Variants in FABP6 observed in about 807,000 individuals in gnomAD.
FABP6 encodes the protein fatty acid binding protein 6.
A neutral mutation model predicts 14.9 loss-of-function variants in FABP6; 13 were observed. The ratio of observed to expected loss-of-function variants is 0.87; its 90% CI spans 0.57 to 1.39. The LOEUF (loss-of-function observed/expected upper bound fraction) is 1.39. FABP6 is among the 40% of genes most tolerant of loss of function. FABP6 has a pLI of 0.00. For synonymous variants in FABP6, 75 were observed against 63.6 expected (o/e 1.18, Z -0.85); for missense variants, 161 against 167.2 (o/e 0.96, Z 0.20).
chr5:160,199,148 G>A (rs773418482), exon 2 of FABP6: 5 of 1,614,126 alleles, frequency 3.1e-6, no homozygotes, highest in Non-Finnish European at 4.2e-6. Context: ...AGATGCAGGC[G>A]CTGACTCAGG....
At chr5:160,202,930 T>TC (rs1284492244) in intron 2 of FABP6, among the ~76,000 whole-genome samples, 1 of 151,750 alleles carries the variant, frequency 6.6e-6, no homozygotes, top group African/African-American at 2.4e-5. Context: ...AGATGGAGTT[T>TC]CACTCTTGTT....
chr5:160,208,247 A>G (rs1207523437), intron 2 of FABP6, among the ~76,000 whole-genome samples: 1 of 152,068 alleles, frequency 6.6e-6, no homozygotes, highest in African/African-American at 2.4e-5. Flanking sequence ...GTTTAAGGCC[A>G]TCATGGGCAA....
intron 3 of FABP6, among the ~76,000 whole-genome samples, chr5:160,214,089 C>CTCTTTCTTTCTTTCTTTCTTTCTT: frequency 8.6e-6 from 1 of 116,384 alleles, no homozygotes; most frequent in South Asian, 3.1e-4. Context: ...GCCTGCCTTT[C>CTCTTTCTTTCTTTCTTTCTTTCTT]TCTTTCTTTC....
At chr5:160,209,319 C>A (rs1176462753) in intron 2 of FABP6, among the ~76,000 whole-genome samples, 9 of 151,882 alleles carry the variant, frequency 5.9e-5, no homozygotes, top group Non-Finnish European at 1.3e-4. Flanking sequence ...GAGTTTGAGA[C>A]CAGCCTGGGC....
intron 2 of FABP6, among the ~76,000 whole-genome samples, chr5:160,233,272 G>A (rs1760432335): frequency 6.6e-6 from 1 of 151,956 alleles, no homozygotes; most frequent in Non-Finnish European, 1.5e-5. Context: ...GAGCCACCGT[G>A]CCCAGCCATA....
intron 3 of FABP6, among the ~76,000 whole-genome samples, chr5:160,220,469 C>T (rs772993821): frequency 2.0e-5 from 3 of 151,918 alleles, no homozygotes; most frequent in Non-Finnish European, 4.4e-5. Context: ...ATTAGCCGTG[C>T]GTGGTGGAGC....
intron 2 of FABP6, among the ~76,000 whole-genome samples, chr5:160,212,780 A>G (rs1759920077): frequency 6.6e-6 from 1 of 152,058 alleles, no homozygotes; most frequent in Non-Finnish European, 1.5e-5. Context: ...CAACTGGCTA[A>G]TTTTAAAAAT....
intron 2 of FABP6, among the ~76,000 whole-genome samples, chr5:160,206,765 ATAGT>A (rs555211845): frequency 1.6e-3 from 249 of 152,276 alleles, no homozygotes; most frequent in African/African-American, 5.3e-3. Context: ...AGTTCAGGAA[ATAGT>A]TAGGAGAGGG....
Position 160,229,584 on chromosome 5 carries a change from G to A in FABP6, c.27G>A (p.Met9Ile), listed in dbSNP as rs1760323920. 1.2e-6 allele frequency: 2 copies of A among 1,613,918 alleles called. No homozygotes were observed. The highest frequency in any genetic ancestry group is 1.3e-5 in the African/African-American group (1 of 74,914). ...TGGCTTTCACCGGCAAGTTCGAGAT[G>A]GAGAGTGAGAAGAATTATGATGAGT... MAFTGKFE[M>I]ESEKNYDEFM... The change falls in exon 1 of 4, where the codon ATG becomes ATA. Residue 9 changes from methionine (M) to isoleucine (I), a missense_variant. Coordinates refer to ENST00000402432, the MANE Select transcript of FABP6 (RefSeq NM_001445.3).
At chr5:160,205,449 A>G (rs769090179) in intron 2 of FABP6, among the ~76,000 whole-genome samples, 13 of 152,080 alleles carry the variant, frequency 8.5e-5, no homozygotes, top group Non-Finnish European at 1.0e-4. Context: ...CCTTTATCAC[A>G]GGTGCTGCTG....
chr5:160,201,359 A>G (rs185498341), intron 2 of FABP6, among the ~76,000 whole-genome samples: 2 of 151,976 alleles, frequency 1.3e-5, no homozygotes, highest in East Asian at 3.9e-4. Context: ...CCCTGTCTCA[A>G]ATAAAACAAA....
At chr5:160,198,957 A>G (rs2113070607) in intron 1 of FABP6, 1 of 752,934 alleles carries the variant, frequency 1.3e-6, no homozygotes, top group Non-Finnish European at 2.2e-6. Context: ...CACAGTGAGC[A>G]GTCAATAAAA....
intron 1 of FABP6, among the ~76,000 whole-genome samples, chr5:160,192,642 G>A (rs904376688): frequency 6.6e-6 from 1 of 152,254 alleles, no homozygotes; most frequent in Non-Finnish European, 1.5e-5. Flanking sequence ...CTAGACAGCA[G>A]GGCAGCCACA....
intron 3 of FABP6, among the ~76,000 whole-genome samples, chr5:160,217,818 T>G (rs1760043362): frequency 6.6e-6 from 1 of 152,042 alleles, no homozygotes; most frequent in African/African-American, 2.4e-5. Flanking sequence ...CTTTATTTTA[T>G]TTTTTGTAGA....
intron 2 of FABP6, among the ~76,000 whole-genome samples, chr5:160,209,068 A>T (rs1427307902): frequency 6.7e-6 from 1 of 149,656 alleles, no homozygotes; most frequent in Non-Finnish European, 1.5e-5. Flanking sequence ...GAGCCACTGC[A>T]CCCAGCAGGG....
At chr5:160,193,771 C>T (rs1039129618) in intron 1 of FABP6, among the ~76,000 whole-genome samples, 1 of 152,236 alleles carries the variant, frequency 6.6e-6, no homozygotes, top group Non-Finnish European at 1.5e-5. Context: ...TTTTTACAAT[C>T]CCTGAGCTAG....
At chr5:160,229,173 C>T (rs1760312916), upstream of FABP6, among the ~76,000 whole-genome samples, 1 of 152,134 alleles carries the variant, frequency 6.6e-6, no homozygotes, top group Non-Finnish European at 1.5e-5. Context: ...GCAGCAAGTG[C>T]TCAAGTGCTT....
chr5:160,204,138 CAAAAAAA>C (rs67908380), intron 2 of FABP6, among the ~76,000 whole-genome samples: 554 of 119,258 alleles, frequency 4.6e-3, no homozygotes, highest in Non-Finnish European at 6.6e-3. Context: ...GACTCCATCT[CAAAAAAA>C]AAAAAAAAAA....
In FABP6 at chr5:160,197,954, ATGTG is replaced by A. The variant is rs1554111886; in HGVS notation, c.-58-1081_-58-1078del. 31 of 100,234 alleles carry A rather than the reference ATGTG, an allele frequency of 3.1e-4. 1 individual carries two copies. The South Asian group carries it at 8.1e-3, about 26-fold the overall frequency. 6.2% of individuals were successfully genotyped at this position (100,234 alleles called of 1,614,324 possible). A position where few individuals can be genotyped will look rare whatever the true frequency, so the allele number is the denominator to read the frequency against. On this transcript the variant is annotated intron_variant, in intron 1 of 6. Coordinates refer to the FABP6 transcript ENST00000393980. ...TGTGTGTGTGTGTGTGTGTGTGTGT[ATGTG>A]TGTGTGTGTGTGTATGTGTGTGTGA...
Sources: allele counts gnomAD v4.1 joint callset (sites outside exome capture counted in the v4.1 genomes callset), GRCh38; gene constraint gnomAD v4.1.1; transcripts MANE v1.5; gene names NCBI Gene and HGNC (gene_info 2026-07-23, HGNC 2026-07-21).